Variants in UBE2E3 observed in about 807,000 individuals in gnomAD.
UBE2E3 encodes ubiquitin-conjugating enzyme E2 E3.
UBE2E3 carries 5 observed loss-of-function variants against 23.6 expected under a neutral mutation model. The ratio of observed to expected loss-of-function variants is 0.21; its 90% CI spans 0.11 to 0.44. The LOEUF (loss-of-function observed/expected upper bound fraction) is 0.44, where lower values mean the gene tolerates loss of function less well. Ranked by LOEUF, UBE2E3 falls within the 20% of genes least tolerant of loss-of-function variation. The pLI, the probability that UBE2E3 is intolerant of heterozygous loss-of-function variation, is 0.99. For synonymous variants in UBE2E3, 78 were observed against 87.5 expected (o/e 0.89, Z 0.60); for missense variants, 81 against 249.8 (o/e 0.32, Z 4.55).
intron 3 of UBE2E3, among the ~76,000 whole-genome samples, chr2:181,053,704 T>C (rs1457484084): frequency 1.3e-5 from 2 of 151,840 alleles, no homozygotes; most frequent in East Asian, 1.9e-4. Flanking sequence ...AACACATCAT[T>C]ATCATGCAAA....
At chr2:181,056,957 A>G (rs1199343186) in intron 3 of UBE2E3, among the ~76,000 whole-genome samples, 1 of 151,752 alleles carries the variant, frequency 6.6e-6, no homozygotes, top group Non-Finnish European at 1.5e-5. Flanking sequence ...GACACCTACT[A>G]TTTCAGCCAG....
At chr2:181,030,212 A>AAAT (rs1686033054) in intron 3 of UBE2E3, among the ~76,000 whole-genome samples, 1 of 152,078 alleles carries the variant, frequency 6.6e-6, no homozygotes. Flanking sequence ...ATTGGGCATT[A>AAAT]AATTTTAATG....
chr2:180,985,786 C>G (rs1684446125), intron 3 of UBE2E3, among the ~76,000 whole-genome samples: 1 of 152,080 alleles, frequency 6.6e-6, no homozygotes. Flanking sequence ...CATGTAGGGT[C>G]AAACATTTTT....
At chr2:181,061,761 T>G (rs1034690455) in intron 5 of UBE2E3, among the ~76,000 whole-genome samples, 13 of 142,166 alleles carry the variant, frequency 9.1e-5, no homozygotes, top group African/African-American at 2.9e-4. Context: ...ACACATTTTG[T>G]TTCGTTATGT....
intron 3 of UBE2E3, among the ~76,000 whole-genome samples, chr2:180,993,930 A>G (rs1684751013): frequency 6.6e-6 from 1 of 152,094 alleles, no homozygotes; most frequent in Admixed American, 6.6e-5. Context: ...TATTGGTGTT[A>G]TTTGTTAGAT....
At chr2:181,037,156 G>A (rs1686318476) in intron 3 of UBE2E3, among the ~76,000 whole-genome samples, 1 of 152,214 alleles carries the variant, frequency 6.6e-6, no homozygotes, top group Admixed American at 6.5e-5. Context: ...TTACTCACAT[G>A]TTTGTGGTGA....
intron 3 of UBE2E3, among the ~76,000 whole-genome samples, chr2:181,000,746 G>C (rs1171537777): frequency 1.3e-5 from 2 of 151,980 alleles, no homozygotes; most frequent in African/African-American, 2.4e-5. Flanking sequence ...AGTAGAGATG[G>C]GGTTTCACCG....
rs545896915 is a variant in UBE2E3 at position 180,980,870 on chromosome 2, C to T, written c.-129C>T. 3 of 149,226 alleles carry T rather than the reference C, an allele frequency of 2.0e-5. No homozygotes were observed. Among genetic ancestry groups the T allele is most frequent in the South Asian group, 2.0e-4 (1 of 5,008 alleles). The allele number at this position is 149,226 out of a possible 1,614,324, so 9.2% of individuals were successfully genotyped here. A position where few individuals can be genotyped will look rare whatever the true frequency, so the allele number is the denominator to read the frequency against. ...CGGCTTCTTTTTTTCCCTCCCCCCCCTTCCCCCCCCCACAGCTGCCTCCAT... is the reference window on the plus strand; with the variant it reads ...CGGCTTCTTTTTTTCCCTCCCCCCCTTTCCCCCCCCCACAGCTGCCTCCAT... On this transcript the variant is annotated 5_prime_UTR_variant, in exon 1 of 6. Coordinates refer to ENST00000410062, the MANE Select transcript of UBE2E3 (RefSeq NM_006357.4). The surrounding 1 kb of genome is among the most constrained non-coding windows in gnomAD (Gnocchi z 5.5).
intron 3 of UBE2E3, among the ~76,000 whole-genome samples, chr2:181,039,184 T>G (rs1686397053): frequency 6.6e-6 from 1 of 150,504 alleles, no homozygotes; most frequent in African/African-American, 2.4e-5. Flanking sequence ...GAGGAAACAT[T>G]TTTGGGGTGG....
intron 3 of UBE2E3, among the ~76,000 whole-genome samples, chr2:181,016,069 A>G (rs1056296452): frequency 2.0e-5 from 3 of 151,962 alleles, no homozygotes; most frequent in Admixed American, 6.6e-5. Context: ...AAATAACCAC[A>G]TGCTACTTCT....
chr2:181,004,801 A>G (rs1321561550), intron 3 of UBE2E3, among the ~76,000 whole-genome samples: 2 of 152,190 alleles, frequency 1.3e-5, no homozygotes, highest in Non-Finnish European at 2.9e-5. Flanking sequence ...AGTAATATAT[A>G]TATACGTAGT....
chr2:181,035,805 A>C (rs896941255), intron 3 of UBE2E3, among the ~76,000 whole-genome samples: 1 of 152,166 alleles, frequency 6.6e-6, no homozygotes, highest in African/African-American at 2.4e-5. Context: ...GATTGTTCCC[A>C]AGGGTTTTTA....
rs563835275 is a variant in UBE2E3, at chr2:181,008,922, T to A, written c.245+24829T>A. ...CAGTATGTGCTTTTTTTTTTTTTTT[T>A]ATCAGACTAGGGTATAATTTGTTTT... On this transcript the variant is annotated intron_variant, in intron 3 of 5. Transcript: ENST00000410062. 2.8e-4 allele frequency among the ~76,000 whole-genome samples: 41 copies of A among 144,588 alleles called. No homozygotes were observed. The East Asian group carries it at 3.8e-3, about 13-fold the overall frequency. 94.9% of individuals were successfully genotyped at this position (144,588 alleles called of 152,430 possible).
intron 3 of UBE2E3, among the ~76,000 whole-genome samples, chr2:181,033,018 C>T (rs556211326): frequency 9.9e-5 from 15 of 151,866 alleles, no homozygotes; most frequent in African/African-American, 2.7e-4. Context: ...CACTGCTCAA[C>T]GAAATAAAAG....
intron 3 of UBE2E3, among the ~76,000 whole-genome samples, chr2:181,053,611 GCA>G (rs1266100336): frequency 6.6e-6 from 1 of 151,560 alleles, no homozygotes; most frequent in East Asian, 2.0e-4. Context: ...CTCTGCCCCT[GCA>G]CAGACACACA....
intron 3 of UBE2E3, among the ~76,000 whole-genome samples, chr2:180,993,074 G>C (rs1404002872): frequency 3.3e-5 from 5 of 152,054 alleles, no homozygotes; most frequent in Non-Finnish European, 7.4e-5. Flanking sequence ...GTAAAGCCTT[G>C]GGATTTTTAT....
chr2:181,062,647 C>G (rs1687194305), intron 5 of UBE2E3, 144 bp from the exon 6 acceptor site: 2 of 401,456 alleles, frequency 5.0e-6, no homozygotes, highest in Non-Finnish European at 4.6e-6. Flanking sequence ...GATCATGTTA[C>G]TTTAAACTTT....
Position 180,984,071 on chromosome 2 carries a change from C to G in UBE2E3, c.223C>G (p.Leu75Val). 1 of 1,611,604 alleles carries G rather than the reference C, an allele frequency of 6.2e-7. No individual in the cohort carries two copies. Among genetic ancestry groups the G allele is most frequent in the Non-Finnish European group, 8.5e-7 (1 of 1,178,382 alleles). ...RIQKELAEIT[L>V]DPPPNCSAGP... Reference sequence around the variant, plus strand: ...TCAGAAGGAGCTAGCTGAAATAACCCTTGATCCTCCTCCTAATTGCAGGTA... The same window carrying G: ...TCAGAAGGAGCTAGCTGAAATAACCGTTGATCCTCCTCCTAATTGCAGGTA... Residue 75 changes from leucine to valine, a missense_variant, in exon 3 of 6, where the codon CTT becomes GTT. Physicochemically the swap from Leu to Val is conservative, Grantham distance 32 (BLOSUM62 1). Coordinates refer to ENST00000410062, the MANE Select transcript of UBE2E3 (RefSeq NM_006357.4).
intron 3 of UBE2E3, among the ~76,000 whole-genome samples, chr2:181,015,770 G>A (rs1685466656): frequency 1.3e-5 from 2 of 152,080 alleles, no homozygotes; most frequent in Admixed American, 1.3e-4. Flanking sequence ...ATGCACAGAA[G>A]CCTGGACTGG....
Sources: gnomAD v4.1 joint callset for allele counts (sites outside exome capture counted in the v4.1 genomes callset) on GRCh38, gnomAD v4.1.1 for gene constraint, Gnocchi (gnomAD v3.1) non-coding constraint, MANE v1.5 for transcripts, NCBI Gene and HGNC (gene_info 2026-07-23, HGNC 2026-07-21) for gene names.